Variants in APP observed in about 807,000 individuals in gnomAD.
APP encodes the protein amyloid beta precursor protein, also known as amyloid-beta precursor protein.
Under a neutral mutation model 101.4 loss-of-function variants are expected in APP, and 31 were observed. The observed-to-expected ratio is 0.31, with a 90% CI of 0.23 to 0.41. The LOEUF (loss-of-function observed/expected upper bound fraction) is 0.41, where lower values mean the gene tolerates loss of function less well. Ranked by LOEUF, APP falls within the 10% of genes least tolerant of loss-of-function variation. The pLI is 1.00. For missense variants in APP, 839 were observed against 1,003.7 expected, an observed-to-expected ratio of 0.84 and a Z score of 2.22; for synonymous variants, 366 against 364.4, an observed-to-expected ratio of 1.00 and a Z score of -0.05.
chr21:26,000,606 T>G (rs2043251617), intron 6 of APP, among the ~76,000 whole-genome samples: 1 of 152,332 alleles, frequency 6.6e-6, no homozygotes, highest in Non-Finnish European at 1.5e-5. Context: ...AAACATCTGA[T>G]TGCTTTCCTT....
chr21:26,146,595 A>G (rs1369985532), intron 1 of APP, among the ~76,000 whole-genome samples: 2 of 152,178 alleles, frequency 1.3e-5, no homozygotes, highest in African/African-American at 4.8e-5. Context: ...AATTATTTCA[A>G]AATAACCCAG....
At chr21:26,016,559 G>GACCCAGGAC (rs1383231095) in intron 6 of APP, among the ~76,000 whole-genome samples, 24 of 152,002 alleles carry the variant, frequency 1.6e-4, no homozygotes, top group Admixed American at 1.6e-3. Context: ...CCAGTTATGT[G>GACCCAGGAC]ACCCAGGACA....
At chr21:25,969,854 C>CAAAAG (rs541544438) in intron 11 of APP, among the ~76,000 whole-genome samples, 21,454 of 73,080 alleles carry the variant, frequency 0.29, 2,035 homozygotes, top group South Asian at 0.43. Flanking sequence ...GAAAAGAAAA[C>CAAAAG]AAAAGAAAAG....
intron 13 of APP, among the ~76,000 whole-genome samples, chr21:25,914,910 T>C (rs2039279670): frequency 6.6e-6 from 1 of 152,170 alleles, no homozygotes; most frequent in Non-Finnish European, 1.5e-5. Context: ...GTTTATAAAT[T>C]ACCCAGTCTC....
At chr21:25,965,946 T>G (rs11087985) in intron 11 of APP, among the ~76,000 whole-genome samples, 59,442 of 152,060 alleles carry the variant, frequency 0.39, 12,473 homozygotes, top group African/African-American at 0.53. Context: ...TAGCATCCTG[T>G]GAAGACCTAT....
intron 5 of APP, among the ~76,000 whole-genome samples, chr21:26,023,108 C>T (rs2044415834): frequency 6.6e-6 from 1 of 152,096 alleles, no homozygotes; most frequent in African/African-American, 2.4e-5. Context: ...GTCAGGGATG[C>T]CTGCTGGAAC....
chr21:26,165,152 T>TC (rs1377720497), intron 1 of APP, among the ~76,000 whole-genome samples: 1 of 152,234 alleles, frequency 6.6e-6, no homozygotes, highest in African/African-American at 2.4e-5. Flanking sequence ...CCTGCAATAG[T>TC]CTTAATTGGC....
chr21:25,947,704 T>A (rs933606058), intron 13 of APP, among the ~76,000 whole-genome samples: 2 of 152,088 alleles, frequency 1.3e-5, no homozygotes, highest in Non-Finnish European at 2.9e-5. Context: ...TTGTTGATAA[T>A]ATGTATAAAT....
chr21:26,146,587 T>G (rs2063159737), intron 1 of APP, among the ~76,000 whole-genome samples: 4 of 152,162 alleles, frequency 2.6e-5, no homozygotes. Flanking sequence ...AGAATTGAAA[T>G]TATTTCAAAA....
chr21:26,017,233 G>C (rs1191009398), intron 6 of APP, among the ~76,000 whole-genome samples: 1 of 108,514 alleles, frequency 9.2e-6, no homozygotes, highest in Non-Finnish European at 2.0e-5. Context: ...TGGCCTTAGA[G>C]ATCTTGGCTT....
intron 3 of APP, among the ~76,000 whole-genome samples, chr21:26,062,230 AAC>A (rs55971567): frequency 0.039 from 5,688 of 145,082 alleles, 152 homozygotes; most frequent in South Asian, 0.1. Flanking sequence ...CAAACAAACA[AAC>A]ACACACACAC....
At chr21:25,897,078 C>T (rs577804203) in intron 16 of APP, among the ~76,000 whole-genome samples, 13 of 152,044 alleles carry the variant, frequency 8.6e-5, no homozygotes, top group Non-Finnish European at 1.3e-4. Flanking sequence ...GAGTCATGCA[C>T]GAACTTTGCT....
intron 5 of APP, among the ~76,000 whole-genome samples, chr21:26,049,999 T>A (rs1467288196): frequency 6.6e-6 from 1 of 152,198 alleles, no homozygotes; most frequent in Non-Finnish European, 1.5e-5. Context: ...GATAGTGACA[T>A]CATCACTGAA....
intron 1 of APP, among the ~76,000 whole-genome samples, chr21:26,148,483 C>T (rs143050579): frequency 9.9e-4 from 151 of 152,278 alleles, no homozygotes; most frequent in African/African-American, 3.6e-3. Context: ...GGAAATGAGG[C>T]TCATTTCAAA....
chr21:26,054,615 C>T (rs963475419), intron 3 of APP, among the ~76,000 whole-genome samples: 2 of 122,758 alleles, frequency 1.6e-5, no homozygotes, highest in Non-Finnish European at 3.4e-5. Context: ...CAACATAGGC[C>T]AAAAGTTTTT....
chr21:25,920,466 C>A (rs2039576330), intron 13 of APP, among the ~76,000 whole-genome samples: 2 of 152,098 alleles, frequency 1.3e-5, no homozygotes, highest in Non-Finnish European at 2.9e-5. Context: ...CATCAGTGTG[C>A]TGTATTCAGG....
intron 5 of APP, among the ~76,000 whole-genome samples, chr21:26,022,783 A>G (rs1231545589): frequency 6.6e-6 from 1 of 152,254 alleles, no homozygotes; most frequent in Non-Finnish European, 1.5e-5. Flanking sequence ...TACTCAGTAT[A>G]TGCTGGTGGA....
intron 5 of APP, among the ~76,000 whole-genome samples, chr21:26,035,348 A>G (rs2045055887): frequency 6.6e-6 from 1 of 152,160 alleles, no homozygotes; most frequent in African/African-American, 2.4e-5. Context: ...TGGAACATCC[A>G]TTATAGACAA....
At chr21:25,917,136 C>G (rs898612628) in intron 13 of APP, among the ~76,000 whole-genome samples, 2 of 152,056 alleles carry the variant, frequency 1.3e-5, no homozygotes, top group Admixed American at 1.3e-4. Flanking sequence ...TGGCGGACGC[C>G]TGTAATCCCA....
Sources: gnomAD v4.1 joint callset for allele counts (sites outside exome capture counted in the v4.1 genomes callset) on GRCh38, gnomAD v4.1.1 for gene constraint, MANE v1.5 for transcripts, NCBI Gene and HGNC (gene_info 2026-07-23, HGNC 2026-07-21) for gene names.